The following MYO1E variants were observed in gnomAD, a reference collection of about 807,000 sequenced individuals.
MYO1E encodes myosin IE.
In MYO1E, 68 loss-of-function variants were observed where a neutral mutation model predicts 151.1. The observed-to-expected ratio is 0.45, with a 90% CI of 0.37 to 0.55. The LOEUF (loss-of-function observed/expected upper bound fraction) is 0.55. Among genes scored for constraint, MYO1E ranks in the 20% least tolerant of loss-of-function variants. The pLI, the probability that MYO1E is intolerant of heterozygous loss-of-function variation, is 0.00. For synonymous variants in MYO1E, 601 were observed against 501.7 expected (o/e 1.20, Z -2.64); for missense variants, 1,363 against 1,389.3 (o/e 0.98, Z 0.30).
chr15:59,180,478 G>A (rs796926619), intron 18 of MYO1E, among the ~76,000 whole-genome samples: 22 of 151,800 alleles, frequency 1.4e-4, no homozygotes, highest in African/African-American at 4.8e-4. Context: ...TATATTTATC[G>A]TGCAACTGGA....
At chr15:59,188,259 C>A in intron 17 of MYO1E, 43 bp from the exon 18 acceptor site, 3 of 1,510,370 alleles carry the variant, frequency 2.0e-6, no homozygotes, top group South Asian at 1.1e-5. Flanking sequence ...ACTGGATAAT[C>A]CTTTCACTCG....
At chr15:59,295,767 G>C (rs2080444875) in intron 1 of MYO1E, among the ~76,000 whole-genome samples, 1 of 152,138 alleles carries the variant, frequency 6.6e-6, no homozygotes. Flanking sequence ...CTCCTGCTTT[G>C]GAGGACCCCA....
chr15:59,243,666 A>C (rs1347080125), intron 4 of MYO1E, among the ~76,000 whole-genome samples: 1 of 152,158 alleles, frequency 6.6e-6, no homozygotes, highest in Non-Finnish European at 1.5e-5. Flanking sequence ...TGAACAGCAC[A>C]GTTCATAGTA....
intron 1 of MYO1E, among the ~76,000 whole-genome samples, chr15:59,284,659 G>A (rs2080376978): frequency 1.4e-5 from 2 of 144,916 alleles, no homozygotes; most frequent in African/African-American, 5.1e-5. Flanking sequence ...TTTTTTTGTA[G>A]AGACAGGGTC....
intron 26 of MYO1E, among the ~76,000 whole-genome samples, chr15:59,145,604 C>T (rs1293572618): frequency 1.3e-5 from 2 of 152,136 alleles, no homozygotes; most frequent in Non-Finnish European, 2.9e-5. Flanking sequence ...GTTGCCCAGG[C>T]TGGTCTCGAA....
Position 59,320,783 on chromosome 15 carries a change from T to C in MYO1E, c.4-48334A>G, listed in dbSNP as rs370096069. On this transcript the variant is annotated intron_variant, in intron 1 of 27. Coordinates refer to ENST00000288235, the MANE Select transcript of MYO1E (RefSeq NM_004998.4). Reference sequence around the variant, plus strand: ...TCTGGATATCAATCTTGGAAAAGAATCTATGATTAAGTCCTCAAAACAACT... The same window carrying C: ...TCTGGATATCAATCTTGGAAAAGAACCTATGATTAAGTCCTCAAAACAACT... 3.3e-5 allele frequency among the ~76,000 whole-genome samples: 5 copies of C among 152,256 alleles called. No homozygotes were observed. The East Asian group carries it at 9.6e-4, about 29-fold the overall frequency.
chr15:59,178,315 A>C, intron 19 of MYO1E, 78 bp downstream of exon 19: 7 of 1,541,520 alleles, frequency 4.5e-6, no homozygotes, highest in South Asian at 1.2e-5. Context: ...TGAGAAAAAG[A>C]AGCCAGCTGA....
At chr15:59,370,985 G>T (rs2080941038) in intron 1 of MYO1E, among the ~76,000 whole-genome samples, 1 of 152,122 alleles carries the variant, frequency 6.6e-6, no homozygotes, top group Admixed American at 6.5e-5. Flanking sequence ...TCTCTGCTGG[G>T]GTGAGGGAAG....
chr15:59,300,296 G>GCACACA (rs142354170), intron 1 of MYO1E, among the ~76,000 whole-genome samples: 67 of 150,096 alleles, frequency 4.5e-4, no homozygotes, highest in African/African-American at 1.6e-3. Flanking sequence ...CCCAGCACGC[G>GCACACA]CACACACACA....
At position 59,138,350 on chromosome 15, in the gene MYO1E, G is replaced by C. The variant is rs2079386773; in HGVS notation, c.3098C>G (p.Thr1033Ser). The change falls in exon 27 of 28, where the codon ACC becomes AGC. Residue 1033 changes from threonine (T) to serine (S), a missense_variant. Physicochemically the swap from Thr to Ser is moderately conservative, Grantham distance 58. Transcript: ENST00000288235. ...QGAAGVRRQT[T>S]SRPPPAGGRP... is the part of the protein sequence containing the mutation. ...GCCCCCTGCTGGGGGAGGCCGACTG[G>C]TTGTTTGTCTCCTGACCCTGTGGAG... is the stretch of plus-strand genomic sequence containing the variant. 4.3e-6 allele frequency: 7 copies of C among 1,614,112 alleles called. No individual in the cohort carries two copies. The East Asian group carries it at 8.9e-5, about 21-fold the overall frequency.
rs757335728 is a variant in MYO1E, at chr15:59,153,773, A to C, written c.2897T>G (p.Val966Gly). The change falls in exon 26 of 28, where the codon GTC (valine) becomes GGC (glycine). Residue 966 changes from valine to glycine, a missense_variant. Transcript: ENST00000288235. ...ATATGGCACATACTGGTTTCTGATG[A>C]CTCCGTTCTGATGGTATCCTAGAGA... Reference protein sequence around the residue: ...PPPPGYHQNGVIRNQYVPYPH... With the variant: ...PPPPGYHQNGGIRNQYVPYPH... The C allele has an allele frequency of 1.2e-6, 2 of 1,613,538 alleles. No individual in the cohort carries two copies. Among genetic ancestry groups the C allele is most frequent in the Non-Finnish European group, 1.7e-6 (2 of 1,179,656 alleles).
chr15:59,163,273 A>G lies in MYO1E; in HGVS notation c.2511T>C (p.His837=). 6.2e-7 allele frequency: 1 copy of G among 1,613,886 alleles called. No individual in the cohort carries two copies. Among genetic ancestry groups the G allele is most frequent in the South Asian group, 1.1e-5 (1 of 91,078 alleles). Residue 837 remains histidine, a synonymous_variant, in exon 23 of 28, where the codon CAT becomes CAC. Coordinates refer to ENST00000288235, the MANE Select transcript of MYO1E (RefSeq NM_004998.4). ...CAAGCAAACTGTCATACTCTTGCTC[A>G]TGGAGAATAAAAATGTCATCCTGCA... ...STMQDDIFIL[H]EQEYDSLLES...
chr15:59,149,953 T>C (rs1240326495), intron 26 of MYO1E, among the ~76,000 whole-genome samples: 1 of 152,250 alleles, frequency 6.6e-6, no homozygotes, highest in Non-Finnish European at 1.5e-5. Flanking sequence ...TCATGTTTTC[T>C]TGGCAAATAG....
chr15:59,141,635 T>C (rs1789444320), intron 26 of MYO1E, among the ~76,000 whole-genome samples: 1 of 151,734 alleles, frequency 6.6e-6, no homozygotes, highest in African/African-American at 2.4e-5. Flanking sequence ...CCGTCTCTAC[T>C]GAAAATACAG....
At chr15:59,356,484 AGTTCT>A (rs1485580312) in intron 1 of MYO1E, among the ~76,000 whole-genome samples, 1 of 152,204 alleles carries the variant, frequency 6.6e-6, no homozygotes, top group Non-Finnish European at 1.5e-5. Flanking sequence ...CCTTGTAGGC[AGTTCT>A]GCATCCTACT....
At position 59,135,093 on chromosome 15, in the gene MYO1E, C is replaced by A. The variant is rs1291712709; in HGVS notation, c.*2287G>T. On this transcript the variant is annotated 3_prime_UTR_variant, in exon 28 of 28. Coordinates refer to ENST00000288235, the MANE Select transcript of MYO1E (RefSeq NM_004998.4). ...GCATCTCTACGCAGATCTAAGTCTC[C>A]TTCCCCTGTGGGTCACTTACCTATT... 6.6e-6 allele frequency: 1 copy of A among 152,264 alleles called. No individual in the cohort carries two copies. Among genetic ancestry groups the A allele is most frequent in the East Asian group, 1.9e-4 (1 of 5,180 alleles). The allele number at this position is 152,264 out of a possible 1,614,324, so 9.4% of individuals were successfully genotyped here.
intron 6 of MYO1E, among the ~76,000 whole-genome samples, chr15:59,229,633 T>C (rs577750819): frequency 3.3e-5 from 5 of 152,368 alleles, no homozygotes; most frequent in Non-Finnish European, 5.9e-5. Context: ...TAGATGTTCA[T>C]TGCATTGTTT....
chr15:59,171,995 G>A lies in MYO1E; in HGVS notation c.2382C>T (p.Ile794=), dbSNP rs781324903. ...GGCCCTGTTTGACTTTTTCTCGTCC[G>A]ATTAAGTACAAGCACTTTGGGGTAA... ...LLLTPKCLYL[I]GREKVKQGPD... Residue 794 remains isoleucine (I), a synonymous_variant, in exon 22 of 28, where the codon ATC becomes ATT. Coordinates refer to ENST00000288235, the MANE Select transcript of MYO1E (RefSeq NM_004998.4). 1.0e-4 allele frequency: 168 copies of A among 1,614,022 alleles called. No homozygotes were observed. Among genetic ancestry groups the A allele is most frequent in the Non-Finnish European group, 1.3e-4 (154 of 1,180,036 alleles).
rs1304407761 is a variant in MYO1E, at chr15:59,133,174, GC to G, written c.*4205del. On this transcript the variant is annotated 3_prime_UTR_variant, in exon 28 of 28. Coordinates refer to ENST00000288235, the MANE Select transcript of MYO1E (RefSeq NM_004998.4). The stretch of plus-strand genomic sequence containing the variant: ...GGCGGGAAGACTGCTTGAGCCCAGA[GC>G]TTTGAGACCAGCTGGGCAACACAGG... 1 of 152,184 alleles carries G rather than the reference GC, an allele frequency of 6.6e-6. No homozygotes were observed. The highest frequency in any genetic ancestry group is 1.5e-5 in the Non-Finnish European group (1 of 68,044). The allele number at this position is 152,184 out of a possible 1,614,324, so 9.4% of individuals were successfully genotyped here. A position where few individuals can be genotyped will look rare whatever the true frequency, so the allele number is the denominator to read the frequency against.
Sources: gnomAD v4.1 joint callset for allele counts (sites outside exome capture counted in the v4.1 genomes callset) on GRCh38, gnomAD v4.1.1 for gene constraint, MANE v1.5 for transcripts, NCBI Gene and HGNC (gene_info 2026-07-23, HGNC 2026-07-21) for gene names.